Variants in UBASH3B observed in about 807,000 individuals in gnomAD.
UBASH3B encodes ubiquitin-associated and SH3 domain-containing protein B.
In UBASH3B, 37 loss-of-function variants were observed where a neutral mutation model predicts 83.4. The observed-to-expected ratio is 0.44, with a 90% confidence interval of 0.34 to 0.58. The LOEUF is 0.58. Among genes scored for constraint, UBASH3B ranks in the 20% least tolerant of loss-of-function variants. The pLI is 0.01. For synonymous variants in UBASH3B, 304 were observed against 318.3 expected (o/e 0.96, Z 0.48); for missense variants, 657 against 827.2 (o/e 0.79, Z 2.52).
intron 1 of UBASH3B, among the ~76,000 whole-genome samples, chr11:122,753,357 A>G (rs539121126): frequency 6.6e-6 from 1 of 151,914 alleles, no homozygotes; most frequent in Admixed American, 6.5e-5. Flanking sequence ...AGGCTGAGGC[A>G]GGAGAATGGC....
intron 1 of UBASH3B, among the ~76,000 whole-genome samples, chr11:122,772,625 A>G (rs921590226): frequency 6.6e-6 from 1 of 152,080 alleles, no homozygotes; most frequent in African/African-American, 2.4e-5. Context: ...TATCTCTGTG[A>G]CCCTGGGGCC....
intron 1 of UBASH3B, among the ~76,000 whole-genome samples, chr11:122,693,746 G>A (rs1003161475): frequency 1.3e-5 from 2 of 152,146 alleles, no homozygotes; most frequent in Non-Finnish European, 2.9e-5. Flanking sequence ...GGTGGCACAT[G>A]CCTGTAATCC....
chr11:122,670,959 C>T (rs763020558), intron 1 of UBASH3B, among the ~76,000 whole-genome samples: 16 of 151,698 alleles, frequency 1.1e-4, no homozygotes, highest in Admixed American at 1.3e-4. Context: ...GATGGGGTTT[C>T]GCCACGTTGC....
chr11:122,805,937 G>A (rs1231218292), intron 11 of UBASH3B, among the ~76,000 whole-genome samples: 2 of 152,184 alleles, frequency 1.3e-5, no homozygotes, highest in Non-Finnish European at 2.9e-5. Flanking sequence ...CAAAATAAGA[G>A]AGAATTAAAG....
intron 1 of UBASH3B, among the ~76,000 whole-genome samples, chr11:122,710,364 ATTG>A (rs1236841738): frequency 6.6e-6 from 1 of 152,080 alleles, no homozygotes; most frequent in African/African-American, 2.4e-5. Context: ...TGGGGCCACC[ATTG>A]TTGTGCACGC....
chr11:122,703,957 C>A (rs912150795), intron 1 of UBASH3B, among the ~76,000 whole-genome samples: 10 of 152,200 alleles, frequency 6.6e-5, no homozygotes, highest in Non-Finnish European at 1.3e-4. Flanking sequence ...TGGACAAGAT[C>A]TCTTGGCTTG....
intron 1 of UBASH3B, among the ~76,000 whole-genome samples, chr11:122,744,395 A>C (rs1861077510): frequency 6.6e-6 from 1 of 151,970 alleles, no homozygotes; most frequent in Non-Finnish European, 1.5e-5. Context: ...GAGTGAGTAC[A>C]TGGACACGTG....
chr11:122,794,866 C>T lies in UBASH3B; in HGVS notation c.1113+32C>T, dbSNP rs188580083. On this transcript the variant is annotated intron_variant, in intron 7 of 13. Transcript: ENST00000284273. ...CTGATTGCTAGGGTCACACCCCCAA[C>T]TCTAACCAGGATTCACTGAGAACCT... is the stretch of plus-strand genomic sequence containing the variant. The T allele has an allele frequency of 7.7e-5, 124 of 1,611,630 alleles. No homozygotes were observed. In the East Asian group the frequency reaches 2.7e-3, roughly 35 times the overall value.
intron 1 of UBASH3B, among the ~76,000 whole-genome samples, chr11:122,710,231 T>C (rs1348932275): frequency 1.3e-5 from 2 of 151,152 alleles, no homozygotes; most frequent in African/African-American, 4.9e-5. Context: ...AGCTTCTAGG[T>C]TCTCAGAGCA....
chr11:122,793,534 G>A (rs1023725766), intron 6 of UBASH3B, among the ~76,000 whole-genome samples: 1 of 152,194 alleles, frequency 6.6e-6, no homozygotes, highest in Non-Finnish European at 1.5e-5. Context: ...AAAGAAGCAA[G>A]AAATCTATAA....
At chr11:122,752,234 C>T (rs1054082316) in intron 1 of UBASH3B, among the ~76,000 whole-genome samples, 2 of 152,122 alleles carry the variant, frequency 1.3e-5, no homozygotes, top group African/African-American at 4.8e-5. Flanking sequence ...CCCTTGGTAC[C>T]CCTAAGATGC....
chr11:122,724,318 T>C (rs1860693296), intron 1 of UBASH3B, among the ~76,000 whole-genome samples: 1 of 152,126 alleles, frequency 6.6e-6, no homozygotes, highest in Non-Finnish European at 1.5e-5. Context: ...ATGTGTGGAG[T>C]GCTTAGAATC....
At position 122,813,492 on chromosome 11, in the gene UBASH3B, G is replaced by C. The variant is rs1861484952; in HGVS notation, c.*3606G>C. Reference sequence around the variant, plus strand: ...TAAGTAATCCATGTGTTAGAATACAGATGAACCTCCGTTTGATTTCACAGC... The same window carrying C: ...TAAGTAATCCATGTGTTAGAATACACATGAACCTCCGTTTGATTTCACAGC... On this transcript the variant is annotated 3_prime_UTR_variant, in exon 14 of 14. Coordinates refer to ENST00000284273, the MANE Select transcript of UBASH3B (RefSeq NM_032873.5). The C allele has an allele frequency of 6.6e-6, 1 of 152,216 alleles. No individual in the cohort carries two copies. Among genetic ancestry groups the C allele is most frequent in the Admixed American group, 6.5e-5 (1 of 15,274 alleles). 9.4% of individuals were successfully genotyped at this position (152,216 alleles called of 1,614,324 possible).
Position 122,797,025 on chromosome 11 carries a change from G to A in UBASH3B, c.1349G>A (p.Arg450Lys). ...ACTGTGTTTGGATGCATGCAAGCAA[G>A]ACTAGTGGGTAAGTATCCTGGAGTG... ...PITVFGCMQA[R>K]LVGEALLESN... Residue 450 changes from arginine to lysine, a missense_variant, in exon 9 of 14, where the codon AGA (arginine) becomes AAA (lysine). This residue lies in a region of UBASH3B where 573 missense variants were observed against 739.0 expected (regional missense o/e 0.78). Transcript: ENST00000284273. 2 of 1,610,070 alleles carry A rather than the reference G, an allele frequency of 1.2e-6. No individual in the cohort carries two copies. Among genetic ancestry groups the A allele is most frequent in the East Asian group, 4.5e-5 (2 of 44,830 alleles).
chr11:122,682,746 G>A (rs561280358), intron 1 of UBASH3B, among the ~76,000 whole-genome samples: 9 of 152,182 alleles, frequency 5.9e-5, no homozygotes, highest in African/African-American at 1.9e-4. Flanking sequence ...GCACTGTCAC[G>A]GGGAAGCTTG....
At chr11:122,716,525 C>G (rs1860528275) in intron 1 of UBASH3B, among the ~76,000 whole-genome samples, 8 of 152,202 alleles carry the variant, frequency 5.3e-5, no homozygotes, top group Admixed American at 3.3e-4. Flanking sequence ...ATCTCTGCCC[C>G]TCTAATATCC....
intron 1 of UBASH3B, among the ~76,000 whole-genome samples, chr11:122,682,352 T>C (rs1395250289): frequency 6.6e-6 from 1 of 152,192 alleles, no homozygotes; most frequent in Non-Finnish European, 1.5e-5. Flanking sequence ...AGTTATTTGA[T>C]ATGGATGATA....
chr11:122,699,068 T>G (rs1270605845), intron 1 of UBASH3B, among the ~76,000 whole-genome samples: 2 of 152,214 alleles, frequency 1.3e-5, no homozygotes, highest in African/African-American at 4.8e-5. Flanking sequence ...CAGGCTGGTC[T>G]CGAACTCCTG....
chr11:122,736,261 C>T (rs1361016657), intron 1 of UBASH3B, among the ~76,000 whole-genome samples: 2 of 152,072 alleles, frequency 1.3e-5, no homozygotes, highest in African/African-American at 2.4e-5. Flanking sequence ...CTCTGCTTCT[C>T]GGTGTTCTTT....
Sources: gnomAD v4.1 joint callset for allele counts (sites outside exome capture counted in the v4.1 genomes callset) on GRCh38, gnomAD v4.1.1 for gene constraint, gnomAD v4.1.1 regional missense constraint, MANE v1.5 for transcripts, NCBI Gene and HGNC (gene_info 2026-07-23, HGNC 2026-07-21) for gene names.